The following PROSER2 variants were observed in gnomAD, a reference collection of about 807,000 sequenced individuals.
PROSER2 encodes the protein proline and serine rich 2, also known as proline and serine-rich protein 2.
PROSER2 carries 18 observed loss-of-function variants against 14.6 expected under a neutral mutation model. That is an observed-to-expected ratio of 1.23 (90% CI 0.85 to 1.83). The LOEUF (loss-of-function observed/expected upper bound fraction) is 1.83. Among genes scored for constraint, PROSER2 ranks in the 40% most tolerant of loss-of-function variants. PROSER2 has a pLI of 0.00. For synonymous variants in PROSER2, 367 were observed against 286.4 expected, an observed-to-expected ratio of 1.28 and a Z score of -2.84; for missense variants, 823 against 629.8, an observed-to-expected ratio of 1.31 and a Z score of -3.28.
chr10:11,843,219 TGC>T (rs1833875124), intron 1 of PROSER2, among the ~76,000 whole-genome samples: 2 of 146,736 alleles, frequency 1.4e-5, no homozygotes, highest in South Asian at 2.4e-4. Flanking sequence ...GGATTACAGG[TGC>T]GAGCCACCGC....
rs1011174772 is a variant in PROSER2, at chr10:11,869,984, T to C, written c.886T>C (p.Phe296Leu). 24 of 1,290,868 alleles carry C rather than the reference T, an allele frequency of 1.9e-5. No individual in the cohort carries two copies. Among genetic ancestry groups the C allele is most frequent in the Non-Finnish European group, 2.3e-5 (24 of 1,022,630 alleles). The allele number at this position is 1,290,868 out of a possible 1,614,324, so 80.0% of individuals were successfully genotyped here. A position where few individuals can be genotyped will look rare whatever the true frequency, so the allele number is the denominator to read the frequency against. ...CACCATCCACGGCCACGCCGGCGCCTTCCCCGCCGCGGGGGACGCCGGCGA... is the reference window on the plus strand; with the variant it reads ...CACCATCCACGGCCACGCCGGCGCCCTCCCCGCCGCGGGGGACGCCGGCGA... ...LATIHGHAGA[F>L]PAAGDAGEGA... Residue 296 changes from phenylalanine (F) to leucine (L), a missense_variant, in exon 4 of 4, where the codon TTC becomes CTC. Physicochemically the swap from Phe to Leu is conservative, Grantham distance 22. Coordinates refer to ENST00000277570, the MANE Select transcript of PROSER2 (RefSeq NM_153256.4). The surrounding 1 kb of genome is among the most constrained non-coding windows in gnomAD (Gnocchi z 4.4).
chr10:11,840,555 C>T (rs7921553), intron 1 of PROSER2, among the ~76,000 whole-genome samples: 17,675 of 152,120 alleles, frequency 0.12, 1,392 homozygotes, highest in African/African-American at 0.22. Flanking sequence ...CATCTGCATT[C>T]TTAAATGACT....
intron 1 of PROSER2, among the ~76,000 whole-genome samples, chr10:11,844,034 T>C (rs1833889221): frequency 6.6e-6 from 1 of 152,050 alleles, no homozygotes; most frequent in Non-Finnish European, 1.5e-5. Flanking sequence ...CCCTGCCCCC[T>C]AGGCTGGAGT....
intron 2 of PROSER2, among the ~76,000 whole-genome samples, chr10:11,859,750 C>T (rs1355303236): frequency 2.0e-5 from 3 of 152,230 alleles, no homozygotes; most frequent in African/African-American, 7.2e-5. Flanking sequence ...ATACAAGTCA[C>T]ATAGCATACA....
Position 11,870,953 on chromosome 10 carries a change from C to G in PROSER2, c.*547C>G, listed in dbSNP as rs1392952355. The stretch of plus-strand genomic sequence containing the variant: ...TACTTTGCTTTTGTTTCTTGACGTA[C>G]TTTAGTTTGCCCAGTTTTGTTTTTT... On this transcript the variant is annotated 3_prime_UTR_variant, in exon 4 of 4. Transcript: ENST00000277570. The G allele has an allele frequency of 1.3e-5, 2 of 153,528 alleles. No individual in the cohort carries two copies. Among genetic ancestry groups the G allele is most frequent in the African/African-American group, 2.4e-5 (1 of 41,406 alleles). The allele number at this position is 153,528 out of a possible 1,614,324, so 9.5% of individuals were successfully genotyped here.
At chr10:11,827,480 C>G (rs1239452210) in intron 1 of PROSER2, among the ~76,000 whole-genome samples, 1 of 152,038 alleles carries the variant, frequency 6.6e-6, no homozygotes, top group African/African-American at 2.4e-5. Flanking sequence ...TTCCTGCTTT[C>G]TCTTTTAGGC....
chr10:11,862,501 G>A lies in PROSER2; in HGVS notation c.139-4030G>A, dbSNP rs372441311. On this transcript the variant is annotated intron_variant, in intron 2 of 3. Coordinates refer to ENST00000277570, the MANE Select transcript of PROSER2 (RefSeq NM_153256.4). The surrounding 1 kb of genome is among the most constrained non-coding windows in gnomAD (Gnocchi z 4.2). ...GAGCCCAGGAGTTCAAGATCAGCCT[G>A]GGCCATGTAGCAAGACTTTGTCTCT... Among the ~76,000 whole-genome samples, 1 of 152,118 alleles carries A rather than the reference G, an allele frequency of 6.6e-6. No individual in the cohort carries two copies. Among genetic ancestry groups the A allele is most frequent in the South Asian group, 2.1e-4 (1 of 4,826 alleles).
Position 11,844,435 on chromosome 10 carries a change from G to C in PROSER2, c.-81-7562G>C, listed in dbSNP as rs1833896140. ...CTTCTACCCCTCACGCCCAACAATT[G>C]TTCTTGACTTGTATATCCTTCCAAA... On this transcript the variant is annotated intron_variant, in intron 1 of 3. Transcript: ENST00000277570. Among the ~76,000 whole-genome samples, 3 of 152,110 alleles carry C rather than the reference G, an allele frequency of 2.0e-5. No individual in the cohort carries two copies. In the South Asian group the frequency reaches 6.2e-4, roughly 32 times the overall value.
At chr10:11,867,877 G>A (rs1159302343) in intron 3 of PROSER2, among the ~76,000 whole-genome samples, 2 of 152,184 alleles carry the variant, frequency 1.3e-5, no homozygotes, top group African/African-American at 4.8e-5. Flanking sequence ...GAAAACAAAT[G>A]TGGCCAAGGG....
chr10:11,866,740 C>A lies in PROSER2; in HGVS notation c.348C>A (p.Gly116=), dbSNP rs149002089. 1 of 1,613,356 alleles carries A rather than the reference C, an allele frequency of 6.2e-7. No homozygotes were observed. Among genetic ancestry groups the A allele is most frequent in the Admixed American group, 1.7e-5 (1 of 60,022 alleles). ...DVIDLVQPAP[G]AGEAEGLPEG... ...TCGACTTAGTGCAGCCAGCACCTGG[C>A]GCCGGGGAAGCCGAGGGCCTTCCAG... The change falls in exon 3 of 4, where the codon GGC becomes GGA. Residue 116 remains glycine (G), a synonymous_variant. Transcript: ENST00000277570. The surrounding 1 kb of genome is among the most constrained non-coding windows in gnomAD (Gnocchi z 6.0).
chr10:11,857,778 AACC>A (rs1035790824), intron 2 of PROSER2, among the ~76,000 whole-genome samples: 4 of 150,276 alleles, frequency 2.7e-5, no homozygotes, highest in African/African-American at 9.8e-5. Flanking sequence ...ACCCTAATTA[AACC>A]TTTGTCCCGA....
chr10:11,849,408 G>C (rs564439700), intron 1 of PROSER2, among the ~76,000 whole-genome samples: 1 of 152,316 alleles, frequency 6.6e-6, no homozygotes, highest in South Asian at 2.1e-4. Context: ...CTAGGTCTGA[G>C]TCCCAGAGAG....
chr10:11,859,857 G>T (rs1403664137), intron 2 of PROSER2, among the ~76,000 whole-genome samples: 1 of 152,180 alleles, frequency 6.6e-6, no homozygotes, highest in African/African-American at 2.4e-5. Context: ...AGAAATCATG[G>T]CCCATTTGCA....
At position 11,837,462 on chromosome 10, in the gene PROSER2, G is replaced by A. The variant is rs897330721; in HGVS notation, c.-82+13992G>A. Among the ~76,000 whole-genome samples the A allele has an allele frequency of 1.3e-5, 2 of 152,178 alleles. No homozygotes were observed. The highest frequency in any genetic ancestry group is 1.3e-4 in the Admixed American group (2 of 15,284). ...CTGCAGATCCAAGCATCCACTGAGG[G>A]TCTTGGAACATACCCCCTCAGAGAA... On this transcript the variant is annotated intron_variant, in intron 1 of 3. Coordinates refer to ENST00000277570, the MANE Select transcript of PROSER2 (RefSeq NM_153256.4). The surrounding 1 kb of genome is among the most constrained non-coding windows in gnomAD (Gnocchi z 4.6).
At chr10:11,834,326 A>G (rs1833728975) in intron 1 of PROSER2, among the ~76,000 whole-genome samples, 1 of 151,734 alleles carries the variant, frequency 6.6e-6, no homozygotes, top group African/African-American at 2.4e-5. Context: ...CCTGGTTCAA[A>G]TTGTGGAAAG....
Position 11,866,705 on chromosome 10 carries a change from G to A in PROSER2, c.313G>A (p.Glu105Lys), listed in dbSNP as rs1834355333. ...GAGCACCTCCAGTCCCTCCGAGCCT[G>A]AAGATGTCATCGACTTAGTGCAGCC... ...EESTSSPSEP[E>K]DVIDLVQPAP... is the part of the protein sequence containing the mutation. Residue 105 changes from glutamate to lysine, a missense_variant, in exon 3 of 4, where the codon GAA (glutamate) becomes AAA (lysine). Physicochemically the swap from Glu to Lys is moderately conservative, Grantham distance 56. Transcript: ENST00000277570. This position sits in a 1 kb window ranked among gnomAD's most constrained non-coding sequence, Gnocchi z 6.0. 1 of 1,614,066 alleles carries A rather than the reference G, an allele frequency of 6.2e-7. No homozygotes were observed. The highest frequency in any genetic ancestry group is 8.5e-7 in the Non-Finnish European group (1 of 1,180,022).
At chr10:11,859,025 AAAAAAAAG>A (rs1450868754) in intron 2 of PROSER2, among the ~76,000 whole-genome samples, 1 of 56,276 alleles carries the variant, frequency 1.8e-5, no homozygotes, top group Non-Finnish European at 4.6e-5. Flanking sequence ...AAAAAAAAAA[AAAAAAAAG>A]GAGAGATGGT....
chr10:11,869,986 C>T lies in PROSER2; in HGVS notation c.888C>T (p.Phe296=). 5.4e-6 allele frequency: 7 copies of T among 1,288,208 alleles called. No homozygotes were observed. The highest frequency in any genetic ancestry group is 2.5e-5 in the South Asian group (1 of 39,662). The allele number at this position is 1,288,208 out of a possible 1,614,324, so 79.8% of individuals were successfully genotyped here. A position where few individuals can be genotyped will look rare whatever the true frequency, so the allele number is the denominator to read the frequency against. ...LATIHGHAGA[F]PAAGDAGEGA... Reference sequence around the variant, plus strand: ...CCATCCACGGCCACGCCGGCGCCTTCCCCGCCGCGGGGGACGCCGGCGAGG... The same window carrying T: ...CCATCCACGGCCACGCCGGCGCCTTTCCCGCCGCGGGGGACGCCGGCGAGG... Residue 296 remains phenylalanine (F), a synonymous_variant, in exon 4 of 4, where the codon TTC becomes TTT. Coordinates refer to ENST00000277570, the MANE Select transcript of PROSER2 (RefSeq NM_153256.4). The surrounding 1 kb of genome is among the most constrained non-coding windows in gnomAD (Gnocchi z 4.4).
In PROSER2 at chr10:11,869,907, C is replaced by G. The variant is rs1434114935; in HGVS notation, c.809C>G (p.Thr270Ser). 2 of 1,583,262 alleles carry G rather than the reference C, an allele frequency of 1.3e-6. No individual in the cohort carries two copies. The highest frequency in any genetic ancestry group is 1.1e-5 in the South Asian group (1 of 87,278). ...GGCGCGGCCCGGGAGCCCCGCAGGA[C>G]CCTGTCCAGGGCGGCCGTCAGCGTG... ...TNGAAREPRR[T>S]LSRAAVSVQE... The change falls in exon 4 of 4, where the codon ACC becomes AGC. Residue 270 changes from threonine (T) to serine (S), a missense_variant. By Grantham distance (58) the Thr-to-Ser change is moderately conservative. Coordinates refer to ENST00000277570, the MANE Select transcript of PROSER2 (RefSeq NM_153256.4). The surrounding 1 kb of genome is among the most constrained non-coding windows in gnomAD (Gnocchi z 4.4).
Sources: allele counts gnomAD v4.1 joint callset (sites outside exome capture counted in the v4.1 genomes callset), GRCh38; gene constraint gnomAD v4.1.1; non-coding constraint Gnocchi (gnomAD v3.1); transcripts MANE v1.5; gene names NCBI Gene and HGNC (gene_info 2026-07-23, HGNC 2026-07-21).